Variants in KANK3 observed in about 807,000 individuals in gnomAD.
The protein encoded by KANK3 is KN motif and ankyrin repeat domain-containing protein 3.
KANK3 carries 61 observed loss-of-function variants against 65.4 expected under a neutral mutation model. The ratio of observed to expected loss-of-function variants is 0.93; its 90% CI spans 0.76 to 1.15. The LOEUF (loss-of-function observed/expected upper bound fraction) is 1.15, where lower values mean the gene tolerates loss of function less well. Among genes scored for constraint, KANK3 ranks in the 50% most tolerant of loss-of-function variants. The probability of loss-of-function intolerance (pLI) is 0.00; values close to 1 mark genes in which losing one functional copy is unlikely to be tolerated. For missense variants in KANK3, 1,187 were observed against 1,178.8 expected, an observed-to-expected ratio of 1.01 and a Z score of -0.10; for synonymous variants, 586 against 543.3, an observed-to-expected ratio of 1.08 and a Z score of -1.09.
At chr19:8,339,963 CAAAAAAA>C (rs59020478) in intron 1 of KANK3, among the ~76,000 whole-genome samples, 4 of 95,786 alleles carry the variant, frequency 4.2e-5, no homozygotes, top group African/African-American at 1.5e-4. Context: ...GACCTTGTCT[CAAAAAAA>C]AAAAAAAAAA....
chr19:8,338,332 C>G (rs1970677667), intron 1 of KANK3, among the ~76,000 whole-genome samples: 1 of 151,978 alleles, frequency 6.6e-6, no homozygotes, highest in Admixed American at 6.6e-5. Flanking sequence ...GACCTTGAAA[C>G]TTTGGATGGA....
intron 2 of KANK3, 136 bp from the exon 3 acceptor site, chr19:8,335,928 G>T: frequency 1.7e-6 from 1 of 585,178 alleles, no homozygotes; most frequent in Non-Finnish European, 2.5e-6. Flanking sequence ...TCAATCGCTT[G>T]TTTAATGAGC....
At chr19:8,341,793 G>C (rs892166419) in intron 1 of KANK3, among the ~76,000 whole-genome samples, 6 of 152,132 alleles carry the variant, frequency 3.9e-5, no homozygotes. Flanking sequence ...ACCTGACCTT[G>C]ACTTATTTTT....
chr19:8,342,450 T>G (rs1970733139), intron 1 of KANK3, among the ~76,000 whole-genome samples: 1 of 152,060 alleles, frequency 6.6e-6, no homozygotes, highest in Non-Finnish European at 1.5e-5. Context: ...CACAGCTAGA[T>G]CCGGATTCTG....
chr19:8,329,492 CAA>C (rs59607185), intron 7 of KANK3, among the ~76,000 whole-genome samples: 961 of 51,010 alleles, frequency 0.019, 8 homozygotes, highest in African/African-American at 0.053. Flanking sequence ...GACTCGGCCT[CAA>C]AAAAAAAAAA....
intron 7 of KANK3, among the ~76,000 whole-genome samples, chr19:8,331,951 A>T (rs910461235): frequency 9.3e-5 from 14 of 150,360 alleles, no homozygotes; most frequent in African/African-American, 3.2e-4. Flanking sequence ...TCAGGGCAGA[A>T]CTAGGGGTAT....
At chr19:8,329,800 C>A (rs1037192640) in intron 7 of KANK3, among the ~76,000 whole-genome samples, 1 of 152,170 alleles carries the variant, frequency 6.6e-6, no homozygotes, top group Non-Finnish European at 1.5e-5. Context: ...CTTCTGCTGT[C>A]CCTTGCTGCC....
rs1408978654 is a variant in KANK3 at position 8,324,813 on chromosome 19, G to A, written c.2100C>T (p.Leu700=). The change falls in exon 9 of 11, where the codon CTC becomes CTT. Residue 700 remains leucine (L), a synonymous_variant. Coordinates refer to ENST00000330915, the MANE Select transcript of KANK3 (RefSeq NM_198471.3). ...AKASQTGQTA[L]MLAISHGRQD... ...GTCGGCCATGGCTGATGGCCAGCAT[G>A]AGGGCTGTCTGCCCCGTCTGGGGAG... 3 of 1,612,300 alleles carry A rather than the reference G, an allele frequency of 1.9e-6. No homozygotes were observed. The highest frequency in any genetic ancestry group is 2.5e-6 in the Non-Finnish European group (3 of 1,179,134).
intron 7 of KANK3, among the ~76,000 whole-genome samples, chr19:8,332,225 T>G (rs1970538462): frequency 6.6e-6 from 1 of 151,898 alleles, no homozygotes; most frequent in Non-Finnish European, 1.5e-5. Context: ...TCGCCCAGGC[T>G]GGAGTGCAGT....
At chr19:8,325,886 G>A (rs1167853535) in intron 7 of KANK3, among the ~76,000 whole-genome samples, 2 of 152,028 alleles carry the variant, frequency 1.3e-5, no homozygotes, top group African/African-American at 4.8e-5. Flanking sequence ...GAGTGCAGTG[G>A]CACGATCTCA....
intron 7 of KANK3, 27 bp downstream of exon 7, chr19:8,332,987 T>TGGGGGGGC: frequency 2.8e-5 from 11 of 395,192 alleles, no homozygotes; most frequent in East Asian, 1.3e-4. Flanking sequence ...TTTCCTGGTG[T>TGGGGGGGC]CCCACCCACC....
chr19:8,340,291 T>TATATATATATATATAAACACAC (rs1472181365), intron 1 of KANK3, among the ~76,000 whole-genome samples: 1 of 92,870 alleles, frequency 1.1e-5, no homozygotes, highest in Non-Finnish European at 2.1e-5. Flanking sequence ...TATATATATA[T>TATATATATATATATAAACACAC]ACACACACAC....
chr19:8,342,881 C>T (rs1467739787), intron 1 of KANK3, among the ~76,000 whole-genome samples: 2 of 152,154 alleles, frequency 1.3e-5, no homozygotes, highest in Admixed American at 6.5e-5. Flanking sequence ...GACACGCTCC[C>T]ACACCCAGCC....
chr19:8,335,409 G>A lies in KANK3; in HGVS notation c.418C>T (p.Arg140Trp). 8.3e-7 allele frequency: 1 copy of A among 1,204,164 alleles called. No homozygotes were observed. The highest frequency in any genetic ancestry group is 1.0e-6 in the Non-Finnish European group (1 of 970,038). 74.6% of individuals were successfully genotyped at this position (1,204,164 alleles called of 1,614,324 possible). A position where few individuals can be genotyped will look rare whatever the true frequency, so the allele number is the denominator to read the frequency against. Reference protein sequence around the residue: ...VEHTLRETSRRLELAQTHERA... With the variant: ...VEHTLRETSRWLELAQTHERA... ...TCGTGTGTCTGCGCCAGCTCCAGCC[G>A]CCGGCTGGTCTCCCGGAGCGTGTGC... Residue 140 changes from arginine to tryptophan, a missense_variant, in exon 3 of 11, where the codon CGG (arginine) becomes TGG (tryptophan). This residue lies in a region of KANK3 where 1,078 missense variants were observed against 1,038.2 expected (regional missense o/e 1.04). Coordinates refer to ENST00000330915, the MANE Select transcript of KANK3 (RefSeq NM_198471.3).
In KANK3 at chr19:8,324,486, A is replaced by G. The variant is rs773033372; in HGVS notation, c.2345T>C (p.Leu782Pro). Residue 782 changes from leucine to proline, a missense_variant, in exon 10 of 11, where the codon CTA becomes CCA. This residue lies in a region of KANK3 where 1,078 missense variants were observed against 1,038.2 expected (regional missense o/e 1.04). Transcript: ENST00000330915. ...CTGGCCCGAGCTCAGGTGGGCATGTAGCAGAGCGGCCACCTCATCCTGCTC... is the reference window on the plus strand; with the variant it reads ...CTGGCCCGAGCTCAGGTGGGCATGTGGCAGAGCGGCCACCTCATCCTGCTC... ...EAEQDEVAALLHAHLSSGQPD... is the reference protein window; with the variant it reads ...EAEQDEVAALPHAHLSSGQPD... 44 of 1,611,802 alleles carry G rather than the reference A, an allele frequency of 2.7e-5. No homozygotes were observed. Among genetic ancestry groups the G allele is most frequent in the Non-Finnish European group, 3.6e-5 (42 of 1,179,086 alleles).
rs535971517 is a variant in KANK3 at position 8,322,915 on chromosome 19, G to A, written c.2390C>T (p.Ser797Leu). 6.5e-7 allele frequency: 1 copy of A among 1,535,650 alleles called. No homozygotes were observed. The highest frequency in any genetic ancestry group is 1.4e-5 in the African/African-American group (1 of 69,258). The change falls in exon 11 of 11, where the codon TCA becomes TTA. Residue 797 changes from serine to leucine, a missense_variant. Around this residue, in one of 3 missense-constraint regions of KANK3, gnomAD observed 1,078 missense variants for 1,038.2 expected, o/e 1.04. Transcript: ENST00000330915. ...SSGQPDTQSESPPGSQTATPG... is the reference protein window; with the variant it reads ...SSGQPDTQSELPPGSQTATPG... ...TGTGGCTGTCTGGGAGCCAGGGGGT[G>A]ACTCGCTCTGGAGAGAGGGGAAAAG...
At position 8,335,445 on chromosome 19, in the gene KANK3, G is replaced by T; in HGVS notation, c.382C>A (p.Pro128Thr). 8.2e-7 allele frequency: 1 copy of T among 1,222,642 alleles called. No homozygotes were observed. 75.7% of individuals were successfully genotyped at this position (1,222,642 alleles called of 1,614,324 possible). A position where few individuals can be genotyped will look rare whatever the true frequency, so the allele number is the denominator to read the frequency against. The change falls in exon 3 of 11, where the codon CCG becomes ACG. Residue 128 changes from proline to threonine, a missense_variant. By Grantham distance (38) the Pro-to-Thr change is conservative (BLOSUM62 -1). Transcript: ENST00000330915. ...PLSPRAPVRN[P>T]RVEHTLRETS... ...TCCCGGAGCGTGTGCTCGACGCGCGGGTTGCGCACGGGCGCGCGCGGCGAC... is the reference window on the plus strand; with the variant it reads ...TCCCGGAGCGTGTGCTCGACGCGCGTGTTGCGCACGGGCGCGCGCGGCGAC...
At chr19:8,338,080 G>T in intron 1 of KANK3, 1 of 581,538 alleles carries the variant, frequency 1.7e-6, no homozygotes, top group Non-Finnish European at 2.1e-6. Flanking sequence ...GGAGTGCAAT[G>T]CCACAATCTC....
At chr19:8,326,935 AAAC>A (rs2145416302) in intron 7 of KANK3, among the ~76,000 whole-genome samples, 1 of 152,316 alleles carries the variant, frequency 6.6e-6, no homozygotes, top group East Asian at 1.9e-4. Flanking sequence ...ATCCTGAATG[AAAC>A]ACAAACGTGA....
Sources: gnomAD v4.1 joint callset for allele counts (sites outside exome capture counted in the v4.1 genomes callset) on GRCh38, gnomAD v4.1.1 for gene constraint, gnomAD v4.1.1 regional missense constraint, MANE v1.5 for transcripts, NCBI Gene and HGNC (gene_info 2026-07-23, HGNC 2026-07-21) for gene names.